SNX29: variants seen among roughly 807,000 people sequenced by gnomAD.
The protein encoded by SNX29 is sorting nexin-29.
Under a neutral mutation model 102.1 loss-of-function variants are expected in SNX29, and 78 were observed. That is an observed-to-expected ratio of 0.76 (90% CI 0.64 to 0.92). SNX29 has a LOEUF of 0.92. Among genes scored for constraint, SNX29 ranks in the 40% least tolerant of loss-of-function variants. SNX29 has a pLI of 0.00. For missense variants in SNX29, 1,280 were observed against 1,061.7 expected, an observed-to-expected ratio of 1.21 and a Z score of -2.86; for synonymous variants, 580 against 414.5, an observed-to-expected ratio of 1.40 and a Z score of -4.85.
intron 16 of SNX29, among the ~76,000 whole-genome samples, chr16:12,390,704 G>A (rs992185214): frequency 1.3e-5 from 2 of 151,960 alleles, no homozygotes; most frequent in African/African-American, 4.8e-5. Context: ...CAGGTGCTGG[G>A]CTGGGATGGT....
At chr16:12,526,845 G>C in intron 20 of SNX29, 1 of 403,560 alleles carries the variant, frequency 2.5e-6, no homozygotes, top group Non-Finnish European at 4.7e-6. Context: ...TTCGCGTGCC[G>C]AATTGTAAAA....
At chr16:12,335,307 T>C (rs2081413918) in intron 15 of SNX29, among the ~76,000 whole-genome samples, 1 of 152,144 alleles carries the variant, frequency 6.6e-6, no homozygotes, top group East Asian at 1.9e-4. Flanking sequence ...AGTGAAACTC[T>C]TGCTGCTGGG....
At chr16:12,527,642 C>A (rs1420989836) in intron 20 of SNX29, among the ~76,000 whole-genome samples, 1 of 152,052 alleles carries the variant, frequency 6.6e-6, no homozygotes, top group African/African-American at 2.4e-5. Flanking sequence ...CTCAAAGGGG[C>A]GAACTGGCTG....
intron 16 of SNX29, among the ~76,000 whole-genome samples, chr16:12,388,791 T>C (rs1019568257): frequency 1.3e-5 from 2 of 152,294 alleles, no homozygotes; most frequent in Non-Finnish European, 2.9e-5. Flanking sequence ...CAAAAATGAA[T>C]GAGAGTCCTT....
At chr16:12,538,851 G>T (rs952959343) in intron 20 of SNX29, among the ~76,000 whole-genome samples, 1 of 152,182 alleles carries the variant, frequency 6.6e-6, no homozygotes, top group Non-Finnish European at 1.5e-5. Flanking sequence ...GCAAAGAGGG[G>T]CACAGAGAAC....
intron 1 of SNX29, among the ~76,000 whole-genome samples, chr16:11,979,174 C>T (rs1168254594): frequency 1.4e-5 from 2 of 140,286 alleles, no homozygotes; most frequent in East Asian, 4.2e-4. Context: ...ACTCGGGAGG[C>T]TGAGGGATGA....
intron 20 of SNX29, among the ~76,000 whole-genome samples, chr16:12,530,769 G>A (rs1024183320): frequency 1.3e-5 from 2 of 152,080 alleles, no homozygotes; most frequent in African/African-American, 4.8e-5. Context: ...TTGGCCAGGA[G>A]TGTCTCAAAC....
At chr16:11,980,188 C>T (rs1165767908) in intron 1 of SNX29, among the ~76,000 whole-genome samples, 2 of 152,174 alleles carry the variant, frequency 1.3e-5, no homozygotes, top group East Asian at 1.9e-4. Flanking sequence ...CCCCTCAGAC[C>T]CTGGGAACCA....
At chr16:12,455,997 A>T (rs577008424) in intron 18 of SNX29, among the ~76,000 whole-genome samples, 63 of 152,294 alleles carry the variant, frequency 4.1e-4, no homozygotes, top group African/African-American at 1.2e-3. Context: ...CATAGTAAAG[A>T]TGAAGACTTG....
Position 12,067,726 on chromosome 16 carries a change from A to T in SNX29, c.1244-1331A>T, listed in dbSNP as rs1363770347. ...TGGTCTCGAACTCCTGACCTCAAGT[A>T]ATCCACCTGCCTTGGCTTCCCAAAG... On this transcript the variant is annotated intron_variant, in intron 9 of 20. Coordinates refer to ENST00000566228, the MANE Select transcript of SNX29 (RefSeq NM_032167.5). Among the ~76,000 whole-genome samples the T allele has an allele frequency of 2.6e-5, 4 of 152,132 alleles. No homozygotes were observed. The East Asian group carries it at 7.7e-4, about 29-fold the overall frequency.
At chr16:12,330,514 G>A (rs563289331) in intron 15 of SNX29, among the ~76,000 whole-genome samples, 7 of 152,304 alleles carry the variant, frequency 4.6e-5, no homozygotes, top group African/African-American at 1.7e-4. Context: ...CGCTTTCACT[G>A]CGAACTGTTT....
rs1300046832 is a variant in SNX29 at position 12,571,597 on chromosome 16, G to A, written c.*2968G>A. The A allele has an allele frequency of 4.7e-6, 5 of 1,060,402 alleles. No individual in the cohort carries two copies. Among genetic ancestry groups the A allele is most frequent in the African/African-American group, 1.6e-5 (1 of 60,910 alleles). 65.7% of individuals were successfully genotyped at this position (1,060,402 alleles called of 1,614,324 possible). On this transcript the variant is annotated 3_prime_UTR_variant, in exon 21 of 21. Transcript: ENST00000566228. ...CTTCATGGCCTGCTGTGCTGAAACA[G>A]AACAGCAGGTTCCATCTTTCACATC...
intron 14 of SNX29, among the ~76,000 whole-genome samples, chr16:12,237,732 C>T (rs949493642): frequency 1.3e-5 from 2 of 151,738 alleles, no homozygotes; most frequent in Admixed American, 6.6e-5. Flanking sequence ...CTTGGTGAAA[C>T]CCCCGTCTCT....
At chr16:12,069,195 T>G (rs952847952) in intron 10 of SNX29, 63 bp downstream of exon 10, 10 of 1,406,564 alleles carry the variant, frequency 7.1e-6, no homozygotes, top group Non-Finnish European at 9.9e-6. Flanking sequence ...CTGTGCATTT[T>G]ATTCTTTTTT....
intron 15 of SNX29, among the ~76,000 whole-genome samples, chr16:12,308,202 G>C (rs1178036224): frequency 3.9e-5 from 6 of 152,128 alleles, no homozygotes; most frequent in Admixed American, 3.3e-4. Flanking sequence ...GCTGACACCC[G>C]GCAGGCAGGC....
chr16:12,283,311 GT>G (rs113453336), intron 15 of SNX29, among the ~76,000 whole-genome samples: 1,495 of 140,346 alleles, frequency 0.011, 13 homozygotes, highest in African/African-American at 0.03. Flanking sequence ...AGATGGAGTT[GT>G]TTTTTTTTTT....
Position 12,089,400 on chromosome 16 carries a change from A to G in SNX29, c.1402+10485A>G, listed in dbSNP as rs549365487. ...GCAACTATTTCTGCCCAGTGTCCAT[A>G]GTATAATATGATCGCCACACTGCTA... is the stretch of plus-strand genomic sequence containing the variant. On this transcript the variant is annotated intron_variant, in intron 11 of 20. Coordinates refer to ENST00000566228, the MANE Select transcript of SNX29 (RefSeq NM_032167.5). Among the ~76,000 whole-genome samples the G allele has an allele frequency of 7.9e-5, 12 of 152,312 alleles. No homozygotes were observed. The South Asian group carries it at 2.5e-3, about 32-fold the overall frequency.
chr16:12,532,696 C>T (rs906561708), intron 20 of SNX29, among the ~76,000 whole-genome samples: 1 of 152,162 alleles, frequency 6.6e-6, no homozygotes, highest in Admixed American at 6.5e-5. Flanking sequence ...AAGTCAGGGT[C>T]AGGTGCCCAG....
At chr16:12,503,019 G>T (rs1253785947) in intron 19 of SNX29, among the ~76,000 whole-genome samples, 1 of 152,104 alleles carries the variant, frequency 6.6e-6, no homozygotes, top group African/African-American at 2.4e-5. Context: ...CTAATCCCAT[G>T]TATCTTGTTT....
Sources: gnomAD v4.1 joint callset for allele counts (sites outside exome capture counted in the v4.1 genomes callset) on GRCh38, gnomAD v4.1.1 for gene constraint, MANE v1.5 for transcripts, NCBI Gene and HGNC (gene_info 2026-07-23, HGNC 2026-07-21) for gene names.